Variants in PPFIA1 observed in about 807,000 individuals in gnomAD.
The protein encoded by PPFIA1 is liprin-alpha-1.
Under a neutral mutation model 149.9 loss-of-function variants are expected in PPFIA1, and 25 were observed. The observed-to-expected ratio is 0.17, with a 90% CI of 0.12 to 0.23. The LOEUF (loss-of-function observed/expected upper bound fraction) is 0.23. Ranked by LOEUF, PPFIA1 falls within the 10% of genes least tolerant of loss-of-function variation. The pLI, the probability that PPFIA1 is intolerant of heterozygous loss-of-function variation, is 1.00. For missense variants in PPFIA1, 1,362 were observed against 1,506.5 expected, an observed-to-expected ratio of 0.90 and a Z score of 1.59; for synonymous variants, 549 against 552.8, an observed-to-expected ratio of 0.99 and a Z score of 0.10.
chr11:70,330,350 T>C, intron 8 of PPFIA1, 31 bp downstream of exon 8: 1 of 1,521,350 alleles, frequency 6.6e-7, no homozygotes, highest in Non-Finnish European at 8.8e-7. Context: ...TTGTCTGGCT[T>C]TAGTTAATTA....
intron 4 of PPFIA1, 190 bp downstream of exon 4, chr11:70,325,201 G>T (rs145082070): frequency 9.6e-6 from 5 of 523,542 alleles, no homozygotes; most frequent in Non-Finnish European, 1.5e-5. Flanking sequence ...AATGTATATT[G>T]ATTTGCTGTT....
chr11:70,336,850 G>A (rs912995134), intron 11 of PPFIA1, among the ~76,000 whole-genome samples: 2 of 152,190 alleles, frequency 1.3e-5, no homozygotes, highest in African/African-American at 2.4e-5. Context: ...TAGGATTGGG[G>A]TCTGCTCATC....
intron 15 of PPFIA1, chr11:70,346,034 G>A (rs1222789184): frequency 2.3e-6 from 1 of 431,226 alleles, no homozygotes; most frequent in Non-Finnish European, 4.6e-6. Flanking sequence ...TGTCTCGTCA[G>A]TATTTTAAAG....
Position 70,333,550 on chromosome 11 carries a change from G to A in PPFIA1, c.1293G>A (p.Gln431=), listed in dbSNP as rs748589131. Residue 431 remains glutamine, a synonymous_variant, in exon 10 of 28, where the codon CAG becomes CAA. Coordinates refer to ENST00000253925, the MANE Select transcript of PPFIA1 (RefSeq NM_003626.5). Reference sequence around the variant, plus strand: ...TGGAGGAGAAGAATCAAGAACTGCAGCGGGTGAGCATGCAGCCCTGAGGGT... The same window carrying A: ...TGGAGGAGAAGAATCAAGAACTGCAACGGGTGAGCATGCAGCCCTGAGGGT... ...AQLEEKNQEL[Q]RARQREKMNE... is the part of the protein sequence containing the mutation. The A allele has an allele frequency of 8.1e-6, 13 of 1,610,700 alleles. No homozygotes were observed. In the East Asian group the frequency reaches 2.7e-4, roughly 33 times the overall value.
chr11:70,285,067 C>T (rs189700330), intron 2 of PPFIA1, among the ~76,000 whole-genome samples: 4 of 152,210 alleles, frequency 2.6e-5, no homozygotes, highest in African/African-American at 7.2e-5. Flanking sequence ...AGTGCACTGG[C>T]ATGATCTCGG....
rs181643615 is a variant in PPFIA1 at position 70,362,464 on chromosome 11, G to A, written c.2841G>A (p.Pro947=). ...AIQEIMSLTS[P]SAPPTSRTTL... is the part of the protein sequence containing the mutation. ...AGGAGATCATGTCGCTGACCAGCCC[G>A]TCTGCCCCGCCCACATCTAGAACGG... Residue 947 remains proline, a synonymous_variant, in exon 21 of 28, where the codon CCG becomes CCA. Transcript: ENST00000253925. 1,231 of 1,613,508 alleles carry A rather than the reference G, an allele frequency of 7.6e-4. 8 individuals are homozygous for A. The highest frequency in any genetic ancestry group is 7.4e-5 in the Non-Finnish European group (87 of 1,179,692).
At chr11:70,320,976 G>A (rs929869690) in intron 2 of PPFIA1, among the ~76,000 whole-genome samples, 10 of 152,198 alleles carry the variant, frequency 6.6e-5, no homozygotes, top group Non-Finnish European at 1.3e-4. Flanking sequence ...TGGAAGGCTT[G>A]GAGGGCAACA....
At chr11:70,309,466 G>A (rs928055647) in intron 2 of PPFIA1, among the ~76,000 whole-genome samples, 2 of 152,236 alleles carry the variant, frequency 1.3e-5, no homozygotes, top group Non-Finnish European at 2.9e-5. Context: ...ACCATGCCTG[G>A]CTGCTAATAT....
chr11:70,284,165 T>C, intron 2 of PPFIA1: 1 of 420,926 alleles, frequency 2.4e-6, no homozygotes, highest in African/African-American at 2.1e-5. Flanking sequence ...TAAAACTAGC[T>C]AAATGACTCT....
At chr11:70,346,401 C>T (rs2055708610) in intron 15 of PPFIA1, among the ~76,000 whole-genome samples, 1 of 151,332 alleles carries the variant, frequency 6.6e-6, no homozygotes, top group Admixed American at 6.6e-5. Context: ...TTGAGAGAAA[C>T]ATCAACAAGA....
intron 14 of PPFIA1, among the ~76,000 whole-genome samples, chr11:70,339,786 G>A (rs893223581): frequency 3.3e-5 from 5 of 152,162 alleles, no homozygotes; most frequent in African/African-American, 9.7e-5. Flanking sequence ...AGGCCAAGGC[G>A]GGTGGATCAC....
intron 19 of PPFIA1, among the ~76,000 whole-genome samples, chr11:70,360,854 T>G (rs1269719386): frequency 1.3e-5 from 2 of 152,254 alleles, no homozygotes; most frequent in African/African-American, 4.8e-5. Flanking sequence ...TAGGGATGTT[T>G]GAATGACTTG....
intron 15 of PPFIA1, among the ~76,000 whole-genome samples, chr11:70,345,368 C>T (rs1371024946): frequency 6.6e-6 from 1 of 151,184 alleles, no homozygotes; most frequent in African/African-American, 2.4e-5. Context: ...GCCAGGGAGT[C>T]AGTATAGTGA....
intron 7 of PPFIA1, 58 bp downstream of exon 7, chr11:70,326,876 G>A (rs1371506619): frequency 7.0e-7 from 1 of 1,428,996 alleles, no homozygotes; most frequent in Admixed American, 1.9e-5. Flanking sequence ...GGACGTTTTA[G>A]TTAAATGATT....
At chr11:70,365,904 G>GTT (rs1485670934) in intron 21 of PPFIA1, 4 of 456,274 alleles carry the variant, frequency 8.8e-6, no homozygotes, top group Non-Finnish European at 1.8e-5. Context: ...AATACTAATA[G>GTT]TTATGTTCTT....
chr11:70,298,164 A>G (rs1487614044), intron 2 of PPFIA1, among the ~76,000 whole-genome samples: 1 of 152,208 alleles, frequency 6.6e-6, no homozygotes, highest in African/African-American at 2.4e-5. Context: ...CTTTTCTGTT[A>G]TATCACTGCC....
At chr11:70,300,735 AT>A (rs753793022) in intron 2 of PPFIA1, among the ~76,000 whole-genome samples, 3 of 152,062 alleles carry the variant, frequency 2.0e-5, no homozygotes, top group Non-Finnish European at 4.4e-5. Flanking sequence ...GGGTTTCACC[AT>A]GTTGGCCAGG....
At chr11:70,315,678 GTTTTTTTTTTTTTTTT>G (rs71049904) in intron 2 of PPFIA1, among the ~76,000 whole-genome samples, 6 of 73,014 alleles carry the variant, frequency 8.2e-5, no homozygotes, top group African/African-American at 1.1e-4. Flanking sequence ...CTTTTTTTCT[GTTTTTTTTTTTTTTTT>G]TTTTTTTTTG....
intron 2 of PPFIA1, among the ~76,000 whole-genome samples, chr11:70,312,662 T>C (rs2053364109): frequency 6.6e-6 from 1 of 152,200 alleles, no homozygotes; most frequent in Non-Finnish European, 1.5e-5. Flanking sequence ...GGAGCCTGCG[T>C]GTTTTGCTAA....
Sources: allele counts gnomAD v4.1 joint callset (sites outside exome capture counted in the v4.1 genomes callset), GRCh38; gene constraint gnomAD v4.1.1; transcripts MANE v1.5; gene names NCBI Gene and HGNC (gene_info 2026-07-23, HGNC 2026-07-21).